SCAF1: variants seen among roughly 807,000 people sequenced by gnomAD.
SCAF1 encodes SR-related CTD associated factor 1.
SCAF1 carries 28 observed loss-of-function variants against 91.2 expected under a neutral mutation model. The ratio of observed to expected loss-of-function variants is 0.31; its 90% CI spans 0.23 to 0.42. The LOEUF is 0.42. Among genes scored for constraint, SCAF1 ranks in the 10% least tolerant of loss-of-function variants. The probability of loss-of-function intolerance (pLI) is 1.00; values close to 1 mark genes in which losing one functional copy is unlikely to be tolerated. For missense variants in SCAF1, 1,893 were observed against 1,872.1 expected (o/e 1.01, Z -0.21); for synonymous variants, 1,036 against 833.7 (o/e 1.24, Z -4.18).
In SCAF1 at chr19:49,646,916, C is replaced by T. The variant is rs1421128125; in HGVS notation, c.478+86C>T. On this transcript the variant is annotated intron_variant, in intron 6 of 10. Coordinates refer to ENST00000360565, the MANE Select transcript of SCAF1 (RefSeq NM_021228.3). This position sits in a 1 kb window ranked among gnomAD's most constrained non-coding sequence, Gnocchi z 5.6. ...TTTTGGTAGTGATGGTAGCGGTGAT[C>T]ATGTTATTTAGACAAAACCTTTCCC... The T allele has an allele frequency of 1.0e-6, 1 of 985,268 alleles. No individual in the cohort carries two copies. The highest frequency in any genetic ancestry group is 1.5e-6 in the Non-Finnish European group (1 of 670,020). The allele number at this position is 985,268 out of a possible 1,614,324, so 61.0% of individuals were successfully genotyped here.
chr19:49,646,220 G>C lies in SCAF1; in HGVS notation c.261+18G>C. 6.3e-7 allele frequency: 1 copy of C among 1,594,536 alleles called. No homozygotes were observed. Among genetic ancestry groups the C allele is most frequent in the East Asian group, 2.2e-5 (1 of 44,762 alleles). On this transcript the variant is annotated intron_variant, in intron 4 of 10. Coordinates refer to ENST00000360565, the MANE Select transcript of SCAF1 (RefSeq NM_021228.3). This position sits in a 1 kb window ranked among gnomAD's most constrained non-coding sequence, Gnocchi z 5.6. ...CGGCTACTGTGAGTAAGAAGAGGGGGCTGGGGGCCTGGCTCACGGGTATCA... is the reference window on the plus strand; with the variant it reads ...CGGCTACTGTGAGTAAGAAGAGGGGCCTGGGGGCCTGGCTCACGGGTATCA...
At position 49,652,297 on chromosome 19, in the gene SCAF1, C is replaced by T. The variant is rs1266891388; in HGVS notation, c.1908C>T (p.Asp636=). 7 of 1,528,406 alleles carry T rather than the reference C, an allele frequency of 4.6e-6. No homozygotes were observed. The highest frequency in any genetic ancestry group is 3.6e-5 in the South Asian group (3 of 82,702). 94.7% of individuals were successfully genotyped at this position (1,528,406 alleles called of 1,614,324 possible). A position where few individuals can be genotyped will look rare whatever the true frequency, so the allele number is the denominator to read the frequency against. The change falls in exon 7 of 11, where the codon GAC becomes GAT. Residue 636 remains aspartate (D), a synonymous_variant. Transcript: ENST00000360565. ...RRERHRGKHR[D]GGGSKKKKKR... ...AGCGGCACCGCGGGAAACACCGGGACGGTGGCGGCAGCAAGAAGAAGAAGA... is the reference window on the plus strand; with the variant it reads ...AGCGGCACCGCGGGAAACACCGGGATGGTGGCGGCAGCAAGAAGAAGAAGA...
chr19:49,652,527 C>A lies in SCAF1; in HGVS notation c.2138C>A (p.Ser713Tyr). The change falls in exon 7 of 11, where the codon TCC (serine) becomes TAC (tyrosine). Residue 713 changes from serine (S) to tyrosine (Y), a missense_variant. Transcript: ENST00000360565. ...ATCACGGTGGGCCGGCTTGACAAGT[C>A]CGACCCCCGAGGACCCTCTCCTGCT... ...RTITVGRLDK[S>Y]DPRGPSPAPA... 6.4e-7 allele frequency: 1 copy of A among 1,570,440 alleles called. No homozygotes were observed.
rs201476531 is a variant in SCAF1, at chr19:49,653,644, C to G, written c.3255C>G (p.Pro1085=). Residue 1085 remains proline, a synonymous_variant, in exon 7 of 11, where the codon CCC becomes CCG. Transcript: ENST00000360565. ...ASRVSQLPTL[P]PPMPWNLPAG... ...GTGTCTCCCAGCTGCCCACGTTGCC[C>G]CCGCCCATGCCCTGGAATCTGCCAG... is the stretch of plus-strand genomic sequence containing the variant. The G allele has an allele frequency of 2.0e-3, 3,135 of 1,586,528 alleles. 6 individuals are homozygous for G. Among genetic ancestry groups the G allele is most frequent in the Admixed American group, 3.0e-3 (173 of 57,450 alleles).
intron 8 of SCAF1, 37 bp from the exon 9 acceptor site, chr19:49,654,615 T>G (rs1302034564): frequency 6.6e-7 from 1 of 1,522,826 alleles, no homozygotes; most frequent in East Asian, 2.3e-5. Context: ...CCCCTCCACC[T>G]CCCTTTACTC....
At chr19:49,644,797 C>G in intron 1 of SCAF1, 1 of 395,248 alleles carries the variant, frequency 2.5e-6, no homozygotes, top group South Asian at 5.0e-5. Flanking sequence ...GCACCTGAGA[C>G]CCAGAAAAAA....
chr19:49,658,071 G>T lies in SCAF1; in HGVS notation c.3748-137G>T, dbSNP rs558166427. The stretch of plus-strand genomic sequence containing the variant: ...TTCCGCTGGCCCTGGGGCACCCATC[G>T]TCTAGGGGGACAGAGGGACTTTGGC... On this transcript the variant is annotated intron_variant, in intron 10 of 10. Coordinates refer to ENST00000360565, the MANE Select transcript of SCAF1 (RefSeq NM_021228.3). 64 of 1,221,628 alleles carry T rather than the reference G, an allele frequency of 5.2e-5. No individual in the cohort carries two copies. In the Admixed American group the frequency reaches 1.4e-3, roughly 27 times the overall value. 75.7% of individuals were successfully genotyped at this position (1,221,628 alleles called of 1,614,324 possible).
At chr19:49,654,135 C>A (rs2081123243) in intron 7 of SCAF1, among the ~76,000 whole-genome samples, 1 of 152,172 alleles carries the variant, frequency 6.6e-6, no homozygotes, top group South Asian at 2.1e-4. Flanking sequence ...CCCTGGCCAA[C>A]CCCGCACCCA....
In SCAF1 at chr19:49,654,676, T is replaced by G. The variant is rs1837322187; in HGVS notation, c.3424T>G (p.Ser1142Ala). Residue 1142 changes from serine (S) to alanine (A), a missense_variant, in exon 9 of 11, where the codon TCA becomes GCA. This residue lies in a region of SCAF1 where 1,436 missense variants were observed against 1,306.8 expected (regional missense o/e 1.10). Coordinates refer to ENST00000360565, the MANE Select transcript of SCAF1 (RefSeq NM_021228.3). ...NQILSHRKPP[S>A]SLGMTPAPVP... ...GATCCTCAGCCACAGAAAGCCACCC[T>G]CAAGTCTGGGGATGACCCCAGCTCC... 6.2e-7 allele frequency: 1 copy of G among 1,613,328 alleles called. No individual in the cohort carries two copies. Among genetic ancestry groups the G allele is most frequent in the African/African-American group, 1.3e-5 (1 of 74,998 alleles).
At position 49,652,134 on chromosome 19, in the gene SCAF1, C is replaced by CGCGCAG. The variant is rs1448637381; in HGVS notation, c.1745_1746insGCGCAG (p.Arg581_Ser582dup). ...TCCCGCTCCCGCTCCCGCTCCCGCT[C>CGCGCAG]CACCCGCCGCCGCTCGCGCAGCACC... On this transcript the variant is annotated inframe_insertion, in exon 7 of 11. Coordinates refer to ENST00000360565, the MANE Select transcript of SCAF1 (RefSeq NM_021228.3). 5 of 1,079,484 alleles carry CGCGCAG rather than the reference C, an allele frequency of 4.6e-6. No homozygotes were observed. In the African/African-American group the frequency reaches 1.0e-4, roughly 22 times the overall value. 66.9% of individuals were successfully genotyped at this position (1,079,484 alleles called of 1,614,324 possible).
intron 6 of SCAF1, among the ~76,000 whole-genome samples, chr19:49,649,293 T>C (rs762734399): frequency 4.6e-5 from 7 of 152,202 alleles, no homozygotes; most frequent in Admixed American, 1.3e-4. Context: ...ATTTTGTGCT[T>C]AAGGTGCTGG....
chr19:49,650,405 C>G (rs931451031), intron 6 of SCAF1, among the ~76,000 whole-genome samples: 2 of 152,190 alleles, frequency 1.3e-5, no homozygotes, highest in African/African-American at 4.8e-5. Context: ...CCCCTGCAGC[C>G]TGTTTTCCTG....
Position 49,651,817 on chromosome 19 carries a change from C to T in SCAF1, c.1428C>T (p.Arg476=). ...PAPAPPAADS[R]WGGLDLRRKI... is the part of the protein sequence containing the mutation. ...CCGCGCCGCCCGCCGCCGACTCGCG[C>T]TGGGGCGGCCTGGACCTGCGCCGCA... The change falls in exon 7 of 11, where the codon CGC becomes CGT. Residue 476 remains arginine (R), a synonymous_variant. Transcript: ENST00000360565. The T allele has an allele frequency of 8.0e-7, 1 of 1,254,566 alleles. No homozygotes were observed. The highest frequency in any genetic ancestry group is 3.9e-5 in the East Asian group (1 of 25,874). The allele number at this position is 1,254,566 out of a possible 1,614,324, so 77.7% of individuals were successfully genotyped here.
rs995839697 is a variant in SCAF1, at chr19:49,650,896, C to T, written c.507C>T (p.Pro169=). Residue 169 remains proline (P), a synonymous_variant, in exon 7 of 11, where the codon CCC becomes CCT. Coordinates refer to ENST00000360565, the MANE Select transcript of SCAF1 (RefSeq NM_021228.3). ...CTCCACAGTCGAACTCCTCTAGGCC[C>T]ACCTGTGCCCGTCACCTCACCTTGG... ...TVSPQSNSSR[P]TCARHLTLGT... 1.9e-6 allele frequency: 3 copies of T among 1,610,982 alleles called. No homozygotes were observed. Among genetic ancestry groups the T allele is most frequent in the Non-Finnish European group, 2.5e-6 (3 of 1,178,666 alleles).
chr19:49,652,478 G>C lies in SCAF1; in HGVS notation c.2089G>C (p.Asp697His), dbSNP rs778682995. ...PPSIQDLTDH[D>H]LFAIKRTITV... ...CTCCATCCAGGACCTCACGGACCAC[G>C]ACCTCTTCGCCATCAAGCGGACCAT... The change falls in exon 7 of 11, where the codon GAC (aspartate) becomes CAC (histidine). Residue 697 changes from aspartate (D) to histidine (H), a missense_variant. This residue lies in a region of SCAF1 where 1,436 missense variants were observed against 1,306.8 expected (regional missense o/e 1.10). Transcript: ENST00000360565. 8.2e-6 allele frequency: 13 copies of C among 1,594,926 alleles called. No homozygotes were observed. The highest frequency in any genetic ancestry group is 2.2e-5 in the East Asian group (1 of 44,724).
intron 9 of SCAF1, among the ~76,000 whole-genome samples, chr19:49,655,108 C>T (rs2081131306): frequency 6.6e-6 from 1 of 152,180 alleles, no homozygotes; most frequent in African/African-American, 2.4e-5. Flanking sequence ...TGTGCGTACA[C>T]ACCACATATA....
intron 9 of SCAF1, among the ~76,000 whole-genome samples, chr19:49,657,310 C>T (rs941929197): frequency 6.6e-6 from 1 of 152,092 alleles, no homozygotes; most frequent in Non-Finnish European, 1.5e-5. Context: ...CCACCCCCTC[C>T]ATCCCCTGGG....
Position 49,653,039 on chromosome 19 carries a change from C to A in SCAF1, c.2650C>A (p.Pro884Thr), listed in dbSNP as rs147051992. 6.6e-5 allele frequency: 106 copies of A among 1,613,864 alleles called. No homozygotes were observed. The highest frequency in any genetic ancestry group is 8.8e-5 in the Non-Finnish European group (104 of 1,180,004). ...SPFLKPDERA[P>T]TEMAKAAPGS... ...CTTCCTCAAACCTGACGAGCGGGCC[C>A]CCACTGAGATGGCCAAAGCAGCTCC... is the stretch of plus-strand genomic sequence containing the variant. Residue 884 changes from proline to threonine, a missense_variant, in exon 7 of 11, where the codon CCC (proline) becomes ACC (threonine). This residue lies in a region of SCAF1 where 1,436 missense variants were observed against 1,306.8 expected (regional missense o/e 1.10). Coordinates refer to ENST00000360565, the MANE Select transcript of SCAF1 (RefSeq NM_021228.3).
chr19:49,650,971 C>A lies in SCAF1; in HGVS notation c.582C>A (p.Ser194=). 2.1e-6 allele frequency: 3 copies of A among 1,426,088 alleles called. No homozygotes were observed. Among genetic ancestry groups the A allele is most frequent in the African/African-American group, 2.9e-5 (2 of 69,930 alleles). The allele number at this position is 1,426,088 out of a possible 1,614,324, so 88.3% of individuals were successfully genotyped here. A position where few individuals can be genotyped will look rare whatever the true frequency, so the allele number is the denominator to read the frequency against. Residue 194 remains serine, a synonymous_variant, in exon 7 of 11, where the codon TCC becomes TCA. Transcript: ENST00000360565. Reference sequence around the variant, plus strand: ...CACCCCCTGCCCCCTCCTCTGCATCCTCCTCCCCTTCCCCTTCTCCCTCAT... The same window carrying A: ...CACCCCCTGCCCCCTCCTCTGCATCATCCTCCCCTTCCCCTTCTCCCTCAT... ...PAPPPAPSSA[S]SSPSPSPSSS...
Sources: gnomAD v4.1 joint callset for allele counts (sites outside exome capture counted in the v4.1 genomes callset) on GRCh38, gnomAD v4.1.1 for gene constraint, gnomAD v4.1.1 regional missense constraint, Gnocchi (gnomAD v3.1) non-coding constraint, MANE v1.5 for transcripts, NCBI Gene and HGNC (gene_info 2026-07-23, HGNC 2026-07-21) for gene names.